Variants in RTL4 observed in about 807,000 individuals in gnomAD.
The protein encoded by RTL4 is retrotransposon Gag-like protein 4.
RTL4 carries 4 observed loss-of-function variants against 5.3 expected under a neutral mutation model. The ratio of observed to expected loss-of-function variants is 0.75; its 90% CI spans 0.37 to 1.72. RTL4 has a LOEUF of 1.72. RTL4 is among the 40% of genes most tolerant of loss of function. The probability of loss-of-function intolerance (pLI) is 0.04; values close to 1 mark genes in which losing one functional copy is unlikely to be tolerated. For synonymous variants in RTL4, 98 were observed against 87.3 expected, an observed-to-expected ratio of 1.12 and a Z score of -0.68; for missense variants, 260 against 227.1, an observed-to-expected ratio of 1.14 and a Z score of -0.93.
At chrX:112,088,510 C>G in the RTL4 span, among the ~76,000 whole-genome samples, 1 of 112,064 alleles carries the variant, frequency 8.9e-6, no homozygotes, top group African/African-American at 3.2e-5. Flanking sequence ...AATAATGCTG[C>G]TACAAACATT....
the RTL4 span, among the ~76,000 whole-genome samples, chrX:112,123,763 G>A: frequency 3.6e-5 from 4 of 111,864 alleles, no homozygotes; most frequent in Non-Finnish European, 7.5e-5. Context: ...TCCAGCTTCA[G>A]GACATAGGCA....
the RTL4 span, among the ~76,000 whole-genome samples, chrX:112,117,396 C>CATTATAT: frequency 1.7e-4 from 18 of 108,767 alleles, no homozygotes; most frequent in African/African-American, 5.7e-4. Context: ...ACCATATAAT[C>CATTATAT]GTTATATGGT....
chrX:112,384,799 C>A, the RTL4 span, among the ~76,000 whole-genome samples: 3 of 111,754 alleles, frequency 2.7e-5, no homozygotes, highest in African/African-American at 9.7e-5. Flanking sequence ...TTACTTTGGG[C>A]AGTATGACCA....
At chrX:112,436,996 T>C in the RTL4 span, among the ~76,000 whole-genome samples, 1 of 111,724 alleles carries the variant, frequency 9.0e-6, no homozygotes, top group Admixed American at 9.6e-5. Context: ...ATCTGTAAAA[T>C]AGGAACAACC....
the RTL4 span, among the ~76,000 whole-genome samples, chrX:112,444,559 T>A: frequency 8.9e-6 from 1 of 112,024 alleles, no homozygotes; most frequent in Non-Finnish European, 1.9e-5. Flanking sequence ...AAGTATTACA[T>A]CCTCCTTTCT....
chrX:112,201,591 C>A, the RTL4 span, among the ~76,000 whole-genome samples: 2 of 109,466 alleles, frequency 1.8e-5, no homozygotes. Context: ...CTGAAGAGCA[C>A]CTAACCCACC....
At chrX:112,259,274 T>G in the RTL4 span, among the ~76,000 whole-genome samples, 1 of 111,785 alleles carries the variant, frequency 8.9e-6, no homozygotes, top group Admixed American at 9.5e-5. Context: ...TGTGCAAGTT[T>G]TGTTTTATGC....
the RTL4 span, among the ~76,000 whole-genome samples, chrX:112,104,474 C>A: frequency 9.0e-6 from 1 of 111,722 alleles, no homozygotes; most frequent in Non-Finnish European, 1.9e-5. Flanking sequence ...AACCTCCACA[C>A]TGTGTTTCAT....
chrX:112,333,525 T>C, the RTL4 span, among the ~76,000 whole-genome samples: 52 of 111,900 alleles, frequency 4.6e-4, no homozygotes, highest in East Asian at 0.014. Flanking sequence ...TGTGTAGGAC[T>C]AGAAATGTTT....
At chrX:112,108,611 C>G in the RTL4 span, among the ~76,000 whole-genome samples, 1 of 111,323 alleles carries the variant, frequency 9.0e-6, no homozygotes, top group East Asian at 2.9e-4. Flanking sequence ...ATTGACTCTT[C>G]CGGTATAGGC....
chrX:112,351,974 A>G, the RTL4 span, among the ~76,000 whole-genome samples: 1 of 111,446 alleles, frequency 9.0e-6, no homozygotes, highest in Non-Finnish European at 1.9e-5. Context: ...GATGGTCTTT[A>G]CAATTTGGCA....
the RTL4 span, among the ~76,000 whole-genome samples, chrX:112,421,197 T>C: frequency 1.8e-5 from 2 of 111,897 alleles, no homozygotes; most frequent in African/African-American, 6.5e-5. Flanking sequence ...TTAGAGTTTA[T>C]TGACTAAAAC....
At chrX:112,185,376 A>ATATATATATATATAT in the RTL4 span, among the ~76,000 whole-genome samples, 30 of 85,284 alleles carry the variant, frequency 3.5e-4, no homozygotes, top group African/African-American at 6.4e-4. Flanking sequence ...CTATTTTATT[A>ATATATATATATATAT]ATATATATAT....
At chrX:112,452,997 A>G (rs753066517), upstream of RTL4, among the ~76,000 whole-genome samples, 3 of 105,369 alleles carry the variant, frequency 2.8e-5, no homozygotes, top group African/African-American at 1.1e-4. Context: ...GCACCATTGC[A>G]CTCCAGCCTG....
the RTL4 span, among the ~76,000 whole-genome samples, chrX:112,153,728 CA>C: frequency 9.0e-6 from 1 of 111,283 alleles, no homozygotes; most frequent in East Asian, 2.8e-4. Context: ...TATTTTTACA[CA>C]AAAAATAGGT....
At chrX:112,379,111 C>T in the RTL4 span, among the ~76,000 whole-genome samples, 2 of 112,610 alleles carry the variant, frequency 1.8e-5, no homozygotes, top group Non-Finnish European at 3.8e-5. Context: ...AAAGGAAGTG[C>T]AGCAGTGGGT....
At chrX:112,310,825 A>G in the RTL4 span, among the ~76,000 whole-genome samples, 1 of 86,991 alleles carries the variant, frequency 1.1e-5, no homozygotes, top group African/African-American at 4.3e-5. Context: ...ATATATATTA[A>G]TACATTATAT....
At chrX:112,310,380 A>G in the RTL4 span, among the ~76,000 whole-genome samples, 1 of 26,999 alleles carries the variant, frequency 3.7e-5, no homozygotes, top group South Asian at 2.4e-3. Context: ...ATATATATAT[A>G]TATATATATA....
At chrX:112,186,809 T>C in the RTL4 span, among the ~76,000 whole-genome samples, 2 of 112,138 alleles carry the variant, frequency 1.8e-5, no homozygotes, top group Non-Finnish European at 3.8e-5. Context: ...ATATTTTCCA[T>C]TTGTCCCTTT....
Sources: gnomAD v4.1 joint callset for allele counts (sites outside exome capture counted in the v4.1 genomes callset) on GRCh38, gnomAD v4.1.1 for gene constraint, MANE v1.5 for transcripts, NCBI Gene and HGNC (gene_info 2026-07-23, HGNC 2026-07-21) for gene names.